TJP2: variants seen among roughly 807,000 people sequenced by gnomAD.
TJP2 encodes tight junction protein 2, also known as Friedreich ataxia region gene X104 (tight junction protein ZO-2).
TJP2 carries 91 observed loss-of-function variants against 133.1 expected under a neutral mutation model. The observed-to-expected ratio is 0.68, with a 90% CI of 0.58 to 0.81. The LOEUF (loss-of-function observed/expected upper bound fraction) is 0.81. TJP2 is among the 40% of genes least tolerant of loss of function. TJP2 has a pLI of 0.00. For missense variants in TJP2, 1,541 were observed against 1,565.6 expected, an observed-to-expected ratio of 0.98 and a Z score of 0.26; for synonymous variants, 592 against 583.4, an observed-to-expected ratio of 1.01 and a Z score of -0.21.
Position 69,237,866 on chromosome 9 carries a change from T to C in TJP2, c.2180-12T>C, listed in dbSNP as rs1282818453. 1.2e-6 allele frequency: 2 copies of C among 1,604,960 alleles called. No homozygotes were observed. The highest frequency in any genetic ancestry group is 1.7e-6 in the Non-Finnish European group (2 of 1,171,856). On this transcript the variant is annotated splice_polypyrimidine_tract_variant and intron_variant, in intron 14 of 22. Coordinates refer to ENST00000377245, the MANE Select transcript of TJP2 (RefSeq NM_004817.4). Reference sequence around the variant, plus strand: ...AGTGTGTATGCTTTAATGGCCTTTCTTGTCATTTCAGCTGGTTTCAAGAGA... The same window carrying C: ...AGTGTGTATGCTTTAATGGCCTTTCCTGTCATTTCAGCTGGTTTCAAGAGA...
chr9:69,209,986 T>G (rs1056579291), intron 1 of TJP2, among the ~76,000 whole-genome samples: 1 of 151,964 alleles, frequency 6.6e-6, no homozygotes, highest in Non-Finnish European at 1.5e-5. Context: ...GATACAAACT[T>G]TCTTTAAGAA....
chr9:69,174,187 G>T, upstream of TJP2: 3 of 1,369,036 alleles, frequency 2.2e-6, no homozygotes, highest in Non-Finnish European at 2.8e-6. Flanking sequence ...CGCTCGGGTC[G>T]GGGGCGGGCT....
intron 7 of TJP2, 80 bp from the exon 8 acceptor site, chr9:69,227,685 C>T (rs1266014876): frequency 1.0e-6 from 1 of 996,434 alleles, no homozygotes; most frequent in Non-Finnish European, 1.5e-6. Context: ...GTTTCCTACC[C>T]AGAGAATAGT....
At chr9:69,216,989 CTTTTTT>C (rs10718586) in intron 3 of TJP2, among the ~76,000 whole-genome samples, 1 of 133,460 alleles carries the variant, frequency 7.5e-6, no homozygotes, top group East Asian at 2.3e-4. Flanking sequence ...TTTTTCTTTT[CTTTTTT>C]TTTTTTTTTT....
At chr9:69,155,730 C>T (rs1426078554) in intron 2 of TJP2, among the ~76,000 whole-genome samples, 1 of 152,180 alleles carries the variant, frequency 6.6e-6, no homozygotes, top group East Asian at 1.9e-4. Flanking sequence ...TTAAGCTTGT[C>T]CCTGGTAGAC....
intron 1 of TJP2, among the ~76,000 whole-genome samples, chr9:69,141,095 C>T (rs1440421932): frequency 6.6e-6 from 1 of 152,234 alleles, no homozygotes; most frequent in East Asian, 1.9e-4. Context: ...AGGTGATCCA[C>T]CCGCCTCAGC....
chr9:69,180,942 G>A (rs1564409169), intron 1 of TJP2, among the ~76,000 whole-genome samples: 1 of 152,146 alleles, frequency 6.6e-6, no homozygotes, highest in Non-Finnish European at 1.5e-5. Flanking sequence ...AACCCCAGAA[G>A]CTAACAGAGC....
chr9:69,132,867 C>G (rs1822557975), intron 1 of TJP2, among the ~76,000 whole-genome samples: 1 of 152,190 alleles, frequency 6.6e-6, no homozygotes, highest in African/African-American at 2.4e-5. Flanking sequence ...GGGTAGGAAT[C>G]ACACCTCTAC....
intron 21 of TJP2, among the ~76,000 whole-genome samples, 180 bp downstream of exon 21, chr9:69,251,544 AG>A (rs1831333066): frequency 6.6e-6 from 1 of 152,214 alleles, no homozygotes; most frequent in Admixed American, 6.5e-5. Flanking sequence ...GTTCTTCCAA[AG>A]AAGAAAACTT....
At chr9:69,165,668 C>T (rs537095365) in intron 2 of TJP2, among the ~76,000 whole-genome samples, 9 of 152,198 alleles carry the variant, frequency 5.9e-5, no homozygotes, top group African/African-American at 2.2e-4. Context: ...TCTCTATCCC[C>T]GAAAAGAGAG....
chr9:69,133,063 G>A (rs950458042), intron 1 of TJP2, among the ~76,000 whole-genome samples: 6 of 152,192 alleles, frequency 3.9e-5, no homozygotes, highest in African/African-American at 1.4e-4. Flanking sequence ...CTGGATTCAA[G>A]TGATCCTCCT....
At chr9:69,130,542 A>ATGC (rs1822449303) in intron 1 of TJP2, among the ~76,000 whole-genome samples, 1 of 152,108 alleles carries the variant, frequency 6.6e-6, no homozygotes, top group Non-Finnish European at 1.5e-5. Flanking sequence ...CACCCAGGTC[A>ATGC]TGCTGCTGCT....
intron 1 of TJP2, among the ~76,000 whole-genome samples, chr9:69,186,964 G>A (rs1011625236): frequency 7.9e-5 from 12 of 152,124 alleles, no homozygotes; most frequent in African/African-American, 2.2e-4. Context: ...CTCTGTGGGC[G>A]TTTCTGCTGA....
chr9:69,220,919 C>A lies in TJP2; in HGVS notation c.375C>A (p.Ala125=). 1.9e-6 allele frequency: 3 copies of A among 1,612,390 alleles called. No homozygotes were observed. The highest frequency in any genetic ancestry group is 2.5e-6 in the Non-Finnish European group (3 of 1,179,984). The change falls in exon 5 of 23, where the codon GCC becomes GCA. Residue 125 remains alanine (A), a synonymous_variant. Coordinates refer to ENST00000377245, the MANE Select transcript of TJP2 (RefSeq NM_004817.4). ...VVKRPRKVQV[A]ALQASPPLDQ... is the part of the protein sequence containing the mutation. ...AGAGGCCCCGGAAGGTCCAGGTGGC[C>A]GCACTTCAGGCCAGCCCTCCCCTGG...
At chr9:69,226,756 C>T (rs1829383581) in intron 7 of TJP2, among the ~76,000 whole-genome samples, 1 of 152,240 alleles carries the variant, frequency 6.6e-6, no homozygotes, top group Non-Finnish European at 1.5e-5. Flanking sequence ...CTTGTCCTCC[C>T]AAAGTGCTGG....
chr9:69,254,256 A>T lies in TJP2; in HGVS notation c.3455A>T (p.Asp1152Val). 6.2e-7 allele frequency: 1 copy of T among 1,614,256 alleles called. No homozygotes were observed. The highest frequency in any genetic ancestry group is 1.6e-4 in the Middle Eastern group (1 of 6,062). ...AAAGCTCCTTCCAGACCTTATCAGGATACCAGAGGAAGTTATGGCAGTGAT... is the reference window on the plus strand; with the variant it reads ...AAAGCTCCTTCCAGACCTTATCAGGTTACCAGAGGAAGTTATGGCAGTGAT... ...PQKAPSRPYQ[D>V]TRGSYGSDAE... Residue 1152 changes from aspartate (D) to valine (V), a missense_variant, in exon 23 of 23, where the codon GAT (aspartate) becomes GTT (valine). Asp to Val is a radical substitution (Grantham distance 152, BLOSUM62 -3). Coordinates refer to ENST00000377245, the MANE Select transcript of TJP2 (RefSeq NM_004817.4).
Position 69,167,954 on chromosome 9 carries a change from T to C in TJP2, c.-10+16183T>C, listed in dbSNP as rs555424566. Among the ~76,000 whole-genome samples, 26 of 152,020 alleles carry C rather than the reference T, an allele frequency of 1.7e-4. 1 individual carries two copies. The highest frequency in any genetic ancestry group is 6.3e-4 in the African/African-American group (26 of 41,490). On this transcript the variant is annotated intron_variant, in intron 2 of 5. Transcript: ENST00000423935. ...GATACTAGAAACGTAGATGCCAACG[T>C]GTTGGGTTTAATGGCAAAAACCGCA...
intron 1 of TJP2, chr9:69,205,049 G>A (rs1403302704): frequency 6.9e-7 from 1 of 1,450,124 alleles, no homozygotes. Flanking sequence ...AACAGGATTT[G>A]CTGGAAATGT....
intron 1 of TJP2, among the ~76,000 whole-genome samples, chr9:69,146,324 A>C (rs976182052): frequency 1.3e-5 from 2 of 152,206 alleles, no homozygotes; most frequent in Admixed American, 1.3e-4. Context: ...TTCTTTATGC[A>C]TAGCTACAAG....
Sources: gnomAD v4.1 joint callset for allele counts (sites outside exome capture counted in the v4.1 genomes callset) on GRCh38, gnomAD v4.1.1 for gene constraint, MANE v1.5 for transcripts, NCBI Gene and HGNC (gene_info 2026-07-23, HGNC 2026-07-21) for gene names.